Variants in RFX4 observed in about 807,000 individuals in gnomAD.
The protein encoded by RFX4 is regulatory factor X4.
Under a neutral mutation model 95.0 loss-of-function variants are expected in RFX4, and 10 were observed. The ratio of observed to expected loss-of-function variants is 0.11; its 90% CI spans 0.06 to 0.18. The LOEUF (loss-of-function observed/expected upper bound fraction) is 0.18. RFX4 is among the 10% of genes least tolerant of loss of function. The probability of loss-of-function intolerance (pLI) is 1.00; values close to 1 mark genes in which losing one functional copy is unlikely to be tolerated. For synonymous variants in RFX4, 321 were observed against 340.7 expected, an observed-to-expected ratio of 0.94 and a Z score of 0.64; for missense variants, 640 against 922.0, an observed-to-expected ratio of 0.69 and a Z score of 3.96.
chr12:106,719,598 A>G (rs1251873022), intron 11 of RFX4, among the ~76,000 whole-genome samples: 2 of 152,150 alleles, frequency 1.3e-5, no homozygotes, highest in African/African-American at 4.8e-5. Context: ...TCTGCGGGCA[A>G]GGGGCATGGA....
At chr12:106,701,921 C>T (rs1046149486) in intron 8 of RFX4, among the ~76,000 whole-genome samples, 3 of 151,834 alleles carry the variant, frequency 2.0e-5, no homozygotes, top group Non-Finnish European at 2.9e-5. Context: ...GATGCTGAGG[C>T]GGGAAAATTA....
At chr12:106,641,977 CTATATCTA>C (rs1565961043) in intron 3 of RFX4, among the ~76,000 whole-genome samples, 81 of 145,898 alleles carry the variant, frequency 5.6e-4, no homozygotes, top group Middle Eastern at 3.6e-3. Flanking sequence ...CTATCTATAT[CTATATCTA>C]TATCTATATC....
chr12:106,619,496 T>C (rs1408235158), intron 2 of RFX4, among the ~76,000 whole-genome samples: 2 of 152,194 alleles, frequency 1.3e-5, no homozygotes, highest in African/African-American at 4.8e-5. Flanking sequence ...TGTCTTTTTG[T>C]CTCTGGCTGG....
chr12:106,651,927 C>T (rs1173691667), intron 3 of RFX4, among the ~76,000 whole-genome samples: 2 of 152,158 alleles, frequency 1.3e-5, no homozygotes, highest in Non-Finnish European at 2.9e-5. Flanking sequence ...TTTGAGAAAG[C>T]TGTCTTATTC....
chr12:106,632,348 G>C (rs1440084989), intron 2 of RFX4, among the ~76,000 whole-genome samples: 1 of 152,208 alleles, frequency 6.6e-6, no homozygotes, highest in Non-Finnish European at 1.5e-5. Context: ...GGGCACTGCA[G>C]GTGTGCCTGC....
intron 4 of RFX4, among the ~76,000 whole-genome samples, chr12:106,659,051 C>T (rs528286602): frequency 1.3e-5 from 2 of 152,352 alleles, no homozygotes; most frequent in Admixed American, 1.3e-4. Context: ...CCACTTCCTT[C>T]CCTGACCCCT....
At position 106,603,929 on chromosome 12, in the gene RFX4, A is replaced by T. The variant is rs190957898; in HGVS notation, c.44-4868A>T. 4.3e-4 allele frequency among the ~76,000 whole-genome samples: 66 copies of T among 152,314 alleles called. 3 individuals carry two copies. In the East Asian group the frequency reaches 0.012, roughly 27 times the overall value. ...GCTTAATAAAGTTTTTAGAAAAAGC[A>T]TGCATTTATTGTGCGACATCTATGG... On this transcript the variant is annotated intron_variant, in intron 1 of 17. Transcript: ENST00000392842.
intron 13 of RFX4, among the ~76,000 whole-genome samples, chr12:106,727,810 G>A (rs987171821): frequency 2.0e-5 from 3 of 151,986 alleles, no homozygotes; most frequent in South Asian, 2.1e-4. Flanking sequence ...TAGTAGAGAC[G>A]GAGTTTCACC....
intron 2 of RFX4, among the ~76,000 whole-genome samples, chr12:106,614,359 G>A (rs1411138359): frequency 6.6e-6 from 1 of 151,244 alleles, no homozygotes; most frequent in Non-Finnish European, 1.5e-5. Context: ...CTGGGTTTCG[G>A]CATATTGGCC....
chr12:106,630,343 C>T (rs2040394511), intron 2 of RFX4, among the ~76,000 whole-genome samples: 1 of 152,194 alleles, frequency 6.6e-6, no homozygotes, highest in African/African-American at 2.4e-5. Context: ...CAGCCTCTTT[C>T]TCGCTCCAAG....
At chr12:106,601,202 C>T in intron 1 of RFX4, 1 of 1,538,062 alleles carries the variant, frequency 6.5e-7, no homozygotes, top group South Asian at 1.2e-5. Flanking sequence ...GCTTCCTGGG[C>T]TTCTCCAAAC....
rs1256746076 is a variant in RFX4, at chr12:106,583,118, C to T, written c.-203C>T. The T allele has an allele frequency of 4.3e-6, 2 of 466,590 alleles. No individual in the cohort carries two copies. The highest frequency in any genetic ancestry group is 2.0e-5 in the African/African-American group (1 of 49,154). 28.9% of individuals were successfully genotyped at this position (466,590 alleles called of 1,614,324 possible). A position where few individuals can be genotyped will look rare whatever the true frequency, so the allele number is the denominator to read the frequency against. ...CTCGCTCCCTTCTCTCCCTCTCTCT[C>T]CTCTTTTCTTCTTTCTCTTTTCTTT... On this transcript the variant is annotated 5_prime_UTR_variant, in exon 1 of 18. Coordinates refer to ENST00000392842, the MANE Select transcript of RFX4 (RefSeq NM_213594.3).
chr12:106,687,115 GA>G lies in RFX4; in HGVS notation c.591+19del, dbSNP rs1298716718. Reference sequence around the variant, plus strand: ...AGGAGAAGGTAACTACAACTGAAGTGACTATTTGGGGTGGGTGGTTTCTCTC... The same window carrying G: ...AGGAGAAGGTAACTACAACTGAAGTGCTATTTGGGGTGGGTGGTTTCTCTC... On this transcript the variant is annotated intron_variant, in intron 6 of 17. Transcript: ENST00000392842. The G allele has an allele frequency of 6.2e-7, 1 of 1,610,510 alleles. No homozygotes were observed. Among genetic ancestry groups the G allele is most frequent in the South Asian group, 1.1e-5 (1 of 90,938 alleles).
chr12:106,646,431 CAAAAAAAAAAAAAAAAA>C (rs56305939), intron 3 of RFX4, among the ~76,000 whole-genome samples: 4 of 66,246 alleles, frequency 6.0e-5, no homozygotes, highest in Admixed American at 2.1e-4. Context: ...TAGTTTTATC[CAAAAAAAAAAAAAAAAA>C]AAAAAAAAAA....
chr12:106,627,270 G>T (rs1046275818), intron 2 of RFX4, among the ~76,000 whole-genome samples: 4 of 152,168 alleles, frequency 2.6e-5, no homozygotes, highest in African/African-American at 9.7e-5. Context: ...GGACACAGTG[G>T]CTCATGCCTG....
At chr12:106,702,893 G>T (rs996459917) in intron 8 of RFX4, among the ~76,000 whole-genome samples, 8 of 152,100 alleles carry the variant, frequency 5.3e-5, no homozygotes, top group African/African-American at 1.9e-4. Flanking sequence ...CTCCAAACAT[G>T]TACCTCTCAG....
chr12:106,707,679 G>A (rs977357195), intron 8 of RFX4, among the ~76,000 whole-genome samples: 3 of 152,112 alleles, frequency 2.0e-5, no homozygotes, highest in Admixed American at 6.5e-5. Flanking sequence ...GGGAATGGGA[G>A]GTGAAGGAAA....
At chr12:106,665,960 T>G (rs1335313091) in intron 4 of RFX4, among the ~76,000 whole-genome samples, 2 of 151,990 alleles carry the variant, frequency 1.3e-5, no homozygotes, top group Non-Finnish European at 2.9e-5. Context: ...CTTCACTTAT[T>G]CCTTCTTCAG....
chr12:106,754,989 T>G (rs1484544489), intron 17 of RFX4, among the ~76,000 whole-genome samples: 1 of 152,262 alleles, frequency 6.6e-6, no homozygotes, highest in African/African-American at 2.4e-5. Flanking sequence ...GGGAAGGTAC[T>G]GTCTAAAGAC....
Sources: allele counts gnomAD v4.1 joint callset (sites outside exome capture counted in the v4.1 genomes callset), GRCh38; gene constraint gnomAD v4.1.1; transcripts MANE v1.5; gene names NCBI Gene and HGNC (gene_info 2026-07-23, HGNC 2026-07-21).